RERG: variants seen among roughly 807,000 people sequenced by gnomAD.
RERG encodes ras-related and estrogen-regulated growth inhibitor.
In RERG, 25 loss-of-function variants were observed where a neutral mutation model predicts 23.2. That is an observed-to-expected ratio of 1.08 (90% CI 0.79 to 1.50). RERG has a LOEUF of 1.50. Ranked by LOEUF, RERG falls within the 40% of genes most tolerant of loss-of-function variation. The pLI, the probability that RERG is intolerant of heterozygous loss-of-function variation, is 0.00. For missense variants in RERG, 253 were observed against 250.1 expected (o/e 1.01, Z -0.08); for synonymous variants, 81 against 89.1 (o/e 0.91, Z 0.51).
chr12:15,109,107 T>G lies in RERG; in HGVS notation c.*3A>C, dbSNP rs1272586019. On this transcript the variant is annotated 3_prime_UTR_variant, in exon 5 of 5. Coordinates refer to ENST00000256953, the MANE Select transcript of RERG (RefSeq NM_032918.3). ...ATTAGTTGGTCCACCTCAGCTGGGCTGCCTAACTACTGATTTTGGTGAGCA... is the reference window on the plus strand; with the variant it reads ...ATTAGTTGGTCCACCTCAGCTGGGCGGCCTAACTACTGATTTTGGTGAGCA... 6.4e-7 allele frequency: 1 copy of G among 1,572,466 alleles called. No individual in the cohort carries two copies. Among genetic ancestry groups the G allele is most frequent in the Non-Finnish European group, 8.6e-7 (1 of 1,159,292 alleles).
chr12:15,217,498 T>C lies in RERG; in HGVS notation c.-9A>G, dbSNP rs778575216. 1.2e-6 allele frequency: 2 copies of C among 1,606,912 alleles called. No individual in the cohort carries two copies. The highest frequency in any genetic ancestry group is 1.7e-6 in the Non-Finnish European group (2 of 1,173,458). On this transcript the variant is annotated 5_prime_UTR_variant, in exon 2 of 5. Coordinates refer to ENST00000256953, the MANE Select transcript of RERG (RefSeq NM_032918.3). ...TCCGCACTTTTAGCCATGATGGGTG[T>C]TGGTAGACAATTTACTGTTGTTAAA...
intron 2 of RERG, among the ~76,000 whole-genome samples, chr12:15,196,444 AG>A (rs1316799824): frequency 6.6e-6 from 1 of 152,098 alleles, no homozygotes; most frequent in Non-Finnish European, 1.5e-5. Context: ...TTTTCCCCTG[AG>A]GAAGTATTTC....
intron 2 of RERG, among the ~76,000 whole-genome samples, chr12:15,122,839 C>T (rs1863858770): frequency 6.7e-6 from 1 of 149,422 alleles, no homozygotes; most frequent in South Asian, 2.1e-4. Flanking sequence ...CCCTCTGTTG[C>T]CCAGGCTGGA....
At chr12:15,214,004 G>A (rs915373707) in intron 2 of RERG, among the ~76,000 whole-genome samples, 23 of 119,194 alleles carry the variant, frequency 1.9e-4, no homozygotes, top group African/African-American at 8.0e-4. Context: ...GTATGTGTGT[G>A]TGTGTGTGTG....
At chr12:15,119,254 A>G (rs1863788043) in intron 3 of RERG, among the ~76,000 whole-genome samples, 1 of 152,196 alleles carries the variant, frequency 6.6e-6, no homozygotes, top group African/African-American at 2.4e-5. Flanking sequence ...AGCCCGCACT[A>G]TACATAACTG....
intron 2 of RERG, among the ~76,000 whole-genome samples, chr12:15,181,158 G>C (rs1864918132): frequency 6.6e-6 from 1 of 152,144 alleles, no homozygotes; most frequent in Admixed American, 6.6e-5. Context: ...GTAGTCCAAA[G>C]AAAGTCCTCA....
At position 15,108,929 on chromosome 12, in the gene RERG, T is replaced by A; in HGVS notation, c.*181A>T. ...ATTCAAGCAGGAAAGGAAGAAATTG[T>A]TAGCACTGAAATTGCATAAAACACG... On this transcript the variant is annotated 3_prime_UTR_variant, in exon 5 of 5. Transcript: ENST00000256953. The A allele has an allele frequency of 3.5e-6, 2 of 570,204 alleles. No individual in the cohort carries two copies. The highest frequency in any genetic ancestry group is 6.1e-6 in the Non-Finnish European group (2 of 329,514). The allele number at this position is 570,204 out of a possible 1,614,324, so 35.3% of individuals were successfully genotyped here. A position where few individuals can be genotyped will look rare whatever the true frequency, so the allele number is the denominator to read the frequency against.
intron 2 of RERG, among the ~76,000 whole-genome samples, chr12:15,194,508 CT>C (rs1232721473): frequency 0.041 from 274 of 6,720 alleles, no homozygotes; most frequent in African/African-American, 0.092. Flanking sequence ...CCCGATCTCC[CT>C]AAAAAAAAAA....
intron 3 of RERG, among the ~76,000 whole-genome samples, chr12:15,115,311 A>C (rs1241949002): frequency 6.6e-6 from 1 of 152,180 alleles, no homozygotes; most frequent in African/African-American, 2.4e-5. Context: ...CTGAGCTGTA[A>C]CAAGATTAAA....
intron 2 of RERG, among the ~76,000 whole-genome samples, chr12:15,169,751 G>A (rs2136120731): frequency 6.6e-6 from 1 of 152,288 alleles, no homozygotes; most frequent in South Asian, 2.1e-4. Context: ...TTATTTTTAT[G>A]AGTTTCTAGC....
intron 2 of RERG, among the ~76,000 whole-genome samples, chr12:15,205,158 A>G (rs1451182772): frequency 1.3e-5 from 2 of 151,970 alleles, no homozygotes; most frequent in Non-Finnish European, 2.9e-5. Flanking sequence ...TCACTGGCTG[A>G]TTTTGAATTG....
Position 15,109,534 on chromosome 12 carries a change from A to G in RERG, c.193-17T>C, listed in dbSNP as rs34128634. 7,773 of 1,561,676 alleles carry G rather than the reference A, an allele frequency of 5.0e-3. 24 individuals carry two copies. Among genetic ancestry groups the G allele is most frequent in the Non-Finnish European group, 6.1e-3 (7,070 of 1,151,214 alleles). On this transcript the variant is annotated splice_polypyrimidine_tract_variant and intron_variant, in intron 4 of 4. Transcript: ENST00000256953. ...GGTATCTTCCTGTTGGCAAAGAAAA[A>G]TGGCCGTCAAGAGACCTGGAAATAA...
At chr12:15,172,524 C>T (rs1273314960) in intron 2 of RERG, among the ~76,000 whole-genome samples, 1 of 152,004 alleles carries the variant, frequency 6.6e-6, no homozygotes, top group Admixed American at 6.6e-5. Flanking sequence ...CTGGTAACTC[C>T]ATGTTTTACA....
chr12:15,187,711 A>G (rs1414478007), intron 2 of RERG, among the ~76,000 whole-genome samples: 1 of 152,034 alleles, frequency 6.6e-6, no homozygotes, highest in African/African-American at 2.4e-5. Context: ...GGCACCCGCC[A>G]CCACACCCAG....
intron 2 of RERG, among the ~76,000 whole-genome samples, chr12:15,167,344 CT>C (rs1864710091): frequency 6.6e-6 from 1 of 152,170 alleles, no homozygotes; most frequent in Non-Finnish European, 1.5e-5. Context: ...CACCCCAGCT[CT>C]AAGTCAATGC....
At chr12:15,158,283 G>GT (rs912808028) in intron 2 of RERG, among the ~76,000 whole-genome samples, 22 of 151,138 alleles carry the variant, frequency 1.5e-4, no homozygotes, top group Non-Finnish European at 3.1e-4. Flanking sequence ...CAGTTTTTTT[G>GT]TTTTTTTGTT....
chr12:15,201,327 A>C (rs1865211609), intron 2 of RERG, among the ~76,000 whole-genome samples: 1 of 151,846 alleles, frequency 6.6e-6, no homozygotes, highest in African/African-American at 2.4e-5. Context: ...CACCAGAGCC[A>C]AATTGCCTGA....
chr12:15,157,191 CAG>C (rs1462728468), intron 2 of RERG, among the ~76,000 whole-genome samples: 2 of 152,250 alleles, frequency 1.3e-5, no homozygotes, highest in African/African-American at 2.4e-5. Context: ...TTCAAGAAGA[CAG>C]GGGAAAACAG....
At chr12:15,141,124 T>C (rs1208605011) in intron 2 of RERG, among the ~76,000 whole-genome samples, 3 of 151,862 alleles carry the variant, frequency 2.0e-5, no homozygotes, top group Admixed American at 2.0e-4. Flanking sequence ...CCTTCACATT[T>C]TATTTTGGGA....
Sources: gnomAD v4.1 joint callset for allele counts (sites outside exome capture counted in the v4.1 genomes callset) on GRCh38, gnomAD v4.1.1 for gene constraint, MANE v1.5 for transcripts, NCBI Gene and HGNC (gene_info 2026-07-23, HGNC 2026-07-21) for gene names.